GRIP1: variants seen among roughly 807,000 people sequenced by gnomAD.
GRIP1 encodes glutamate receptor-interacting protein 1.
A neutral mutation model predicts 129.9 loss-of-function variants in GRIP1; 45 were observed. That is an observed-to-expected ratio of 0.35 (90% CI 0.27 to 0.44). GRIP1 has a LOEUF of 0.44. Among genes scored for constraint, GRIP1 ranks in the 20% least tolerant of loss-of-function variants. The probability of loss-of-function intolerance (pLI) is 1.00; values close to 1 mark genes in which losing one functional copy is unlikely to be tolerated. For missense variants in GRIP1, 1,196 were observed against 1,396.8 expected, an observed-to-expected ratio of 0.86 and a Z score of 2.29; for synonymous variants, 530 against 520.8, an observed-to-expected ratio of 1.02 and a Z score of -0.24.
chr12:67,068,031 T>C (rs2043660835), intron 1 of GRIP1, among the ~76,000 whole-genome samples: 2 of 152,162 alleles, frequency 1.3e-5, no homozygotes, highest in Admixed American at 1.3e-4. Context: ...CTGGTGGACC[T>C]TGCCAGCCAG....
At chr12:66,531,342 T>C (rs11176248) in intron 4 of GRIP1, among the ~76,000 whole-genome samples, 9 of 121,296 alleles carry the variant, frequency 7.4e-5, no homozygotes, top group Admixed American at 1.7e-4. Context: ...TACATATATA[T>C]ACACACACAG....
At chr12:66,662,272 T>C (rs1483165172) in intron 1 of GRIP1, among the ~76,000 whole-genome samples, 2 of 152,154 alleles carry the variant, frequency 1.3e-5, no homozygotes, top group Non-Finnish European at 2.9e-5. Flanking sequence ...GTTCATTGCC[T>C]GCTGTAGTCA....
intron 1 of GRIP1, among the ~76,000 whole-genome samples, chr12:66,953,179 A>G (rs2041786559): frequency 1.3e-5 from 2 of 152,334 alleles, no homozygotes; most frequent in South Asian, 4.1e-4. Context: ...CATTTTATCA[A>G]TATTTATTGA....
intron 1 of GRIP1, among the ~76,000 whole-genome samples, chr12:66,676,576 G>C (rs1230831276): frequency 6.6e-6 from 1 of 152,072 alleles, no homozygotes; most frequent in African/African-American, 2.4e-5. Context: ...AAACAGTTTT[G>C]AAGTGCCTAC....
chr12:66,483,211 C>T (rs1334513648), intron 7 of GRIP1, among the ~76,000 whole-genome samples: 2 of 152,088 alleles, frequency 1.3e-5, no homozygotes, highest in Non-Finnish European at 2.9e-5. Context: ...TCAACTTGCT[C>T]GTTAGTTAAC....
chr12:66,903,463 T>C (rs1235012097), intron 1 of GRIP1, among the ~76,000 whole-genome samples: 1 of 152,162 alleles, frequency 6.6e-6, no homozygotes, highest in Non-Finnish European at 1.5e-5. Context: ...ACTCCTCACC[T>C]ACTTTTACAA....
chr12:66,726,282 AG>A (rs1309158275), intron 1 of GRIP1, among the ~76,000 whole-genome samples: 2 of 152,364 alleles, frequency 1.3e-5, no homozygotes, highest in East Asian at 3.9e-4. Flanking sequence ...AAATGAATAA[AG>A]ATCAAACTAT....
intron 2 of GRIP1, among the ~76,000 whole-genome samples, chr12:66,576,901 G>A (rs1433750583): frequency 6.6e-6 from 1 of 152,164 alleles, no homozygotes; most frequent in African/African-American, 2.4e-5. Flanking sequence ...TTGATGGCAA[G>A]TTCAATATAA....
intron 5 of GRIP1, among the ~76,000 whole-genome samples, chr12:66,527,508 A>G (rs977358821): frequency 4.0e-5 from 6 of 149,934 alleles, no homozygotes; most frequent in African/African-American, 1.2e-4. Flanking sequence ...GGAACATCAC[A>G]CTCCGGGGAG....
chr12:66,818,624 G>A (rs951595633), intron 1 of GRIP1, among the ~76,000 whole-genome samples: 6 of 152,094 alleles, frequency 3.9e-5, no homozygotes, highest in African/African-American at 1.2e-4. Flanking sequence ...TTAAAAGTAC[G>A]TCCCATTTTG....
chr12:66,389,547 T>G (rs1205451025), intron 19 of GRIP1, among the ~76,000 whole-genome samples: 1 of 152,046 alleles, frequency 6.6e-6, no homozygotes, highest in Non-Finnish European at 1.5e-5. Context: ...TTTTAAAAAG[T>G]CAACCTCACA....
At chr12:66,871,404 A>T (rs910785447) in intron 1 of GRIP1, among the ~76,000 whole-genome samples, 1 of 152,118 alleles carries the variant, frequency 6.6e-6, no homozygotes, top group Non-Finnish European at 1.5e-5. Flanking sequence ...ATTTAGTATC[A>T]GACTACCTAG....
At chr12:66,672,441 G>C (rs79239916) in intron 1 of GRIP1, among the ~76,000 whole-genome samples, 1,994 of 151,972 alleles carry the variant, frequency 0.013, 54 homozygotes, top group African/African-American at 0.046. Flanking sequence ...TGGTTTGAAG[G>C]GTGCAGTAAC....
chr12:66,696,512 C>T (rs139923555), intron 1 of GRIP1, among the ~76,000 whole-genome samples: 83 of 152,068 alleles, frequency 5.5e-4, no homozygotes, highest in Middle Eastern at 6.8e-3. Context: ...TTAGGCCAGG[C>T]GTGGTGGCTC....
intron 19 of GRIP1, among the ~76,000 whole-genome samples, chr12:66,387,485 G>C (rs1177329413): frequency 2.0e-5 from 3 of 152,102 alleles, no homozygotes; most frequent in Non-Finnish European, 2.9e-5. Context: ...CTCATTCAGT[G>C]GTGAGCAGTA....
chr12:66,781,719 G>A (rs564729049), intron 1 of GRIP1, among the ~76,000 whole-genome samples: 15 of 152,184 alleles, frequency 9.9e-5, no homozygotes, highest in Non-Finnish European at 1.9e-4. Flanking sequence ...CATCACTGAG[G>A]TAGAAGATAC....
At chr12:66,731,229 A>G (rs1464692479) in intron 1 of GRIP1, among the ~76,000 whole-genome samples, 1 of 152,210 alleles carries the variant, frequency 6.6e-6, no homozygotes, top group Admixed American at 6.5e-5. Context: ...AAAAGAAAAG[A>G]AGTCTTTGTT....
At chr12:67,052,950 A>G (rs1240626402) in intron 1 of GRIP1, among the ~76,000 whole-genome samples, 1 of 152,200 alleles carries the variant, frequency 6.6e-6, no homozygotes, top group Non-Finnish European at 1.5e-5. Context: ...CAGATTCTTA[A>G]AGCCCAAATC....
chr12:66,418,468 T>C (rs1277389501), intron 15 of GRIP1, among the ~76,000 whole-genome samples: 6 of 151,946 alleles, frequency 3.9e-5, no homozygotes, highest in African/African-American at 9.6e-5. Context: ...ATCTTTTTCA[T>C]AGCAAAGAAA....
Sources: gnomAD v4.1 joint callset for allele counts (sites outside exome capture counted in the v4.1 genomes callset) on GRCh38, gnomAD v4.1.1 for gene constraint, MANE v1.5 for transcripts, NCBI Gene and HGNC (gene_info 2026-07-23, HGNC 2026-07-21) for gene names.